Variants in KCNIP4 observed in about 807,000 individuals in gnomAD.
KCNIP4 encodes Kv channel-interacting protein 4.
Under a neutral mutation model 34.0 loss-of-function variants are expected in KCNIP4, and 12 were observed. The ratio of observed to expected loss-of-function variants is 0.35; its 90% CI spans 0.23 to 0.57. The LOEUF is 0.57. KCNIP4 is among the 20% of genes least tolerant of loss of function. The pLI, the probability that KCNIP4 is intolerant of heterozygous loss-of-function variation, is 0.83. For missense variants in KCNIP4, 238 were observed against 311.7 expected, an observed-to-expected ratio of 0.76 and a Z score of 1.78; for synonymous variants, 124 against 102.2, an observed-to-expected ratio of 1.21 and a Z score of -1.29.
chr4:21,839,607 G>C (rs1472965535), intron 1 of KCNIP4, among the ~76,000 whole-genome samples: 2 of 152,192 alleles, frequency 1.3e-5, no homozygotes, highest in East Asian at 3.9e-4. Context: ...TACAAAATTA[G>C]CCAAGCATAG....
intron 1 of KCNIP4, among the ~76,000 whole-genome samples, chr4:21,380,444 G>GGAGAGGGAGA (rs1560347765): frequency 1.5e-5 from 2 of 134,572 alleles, no homozygotes; most frequent in Non-Finnish European, 3.4e-5. Flanking sequence ...GGAGAGGGAG[G>GGAGAGGGAGA]GAGAGGGAGA....
At chr4:21,463,052 A>T (rs1190266684) in intron 1 of KCNIP4, among the ~76,000 whole-genome samples, 1 of 152,018 alleles carries the variant, frequency 6.6e-6, no homozygotes, top group Non-Finnish European at 1.5e-5. Flanking sequence ...TTGCTGGATC[A>T]TAAGGTAGTC....
chr4:21,918,975 G>T (rs377276234), intron 1 of KCNIP4, among the ~76,000 whole-genome samples: 1 of 152,148 alleles, frequency 6.6e-6, no homozygotes, highest in Non-Finnish European at 1.5e-5. Context: ...ATTGACCCCA[G>T]TAGGGACCAT....
chr4:20,924,952 T>C (rs947273541), intron 1 of KCNIP4, among the ~76,000 whole-genome samples: 2 of 152,176 alleles, frequency 1.3e-5, no homozygotes, highest in Admixed American at 1.3e-4. Flanking sequence ...ATGGACTCAG[T>C]ACACAGGAAT....
chr4:21,015,814 A>C (rs1409540275), intron 1 of KCNIP4, among the ~76,000 whole-genome samples: 2 of 137,762 alleles, frequency 1.5e-5, no homozygotes, highest in Non-Finnish European at 3.1e-5. Flanking sequence ...TACTATATAT[A>C]CCATATATAA....
At chr4:21,475,682 G>A (rs1377375509) in intron 1 of KCNIP4, among the ~76,000 whole-genome samples, 1 of 152,108 alleles carries the variant, frequency 6.6e-6, no homozygotes, top group African/African-American at 2.4e-5. Context: ...AACAGTCCTC[G>A]AAATGCAAAT....
chr4:20,735,416 T>C (rs971922990), intron 5 of KCNIP4, among the ~76,000 whole-genome samples: 1 of 152,224 alleles, frequency 6.6e-6, no homozygotes, highest in Non-Finnish European at 1.5e-5. Context: ...GGCAATGACA[T>C]TGGCTATGTA....
intron 1 of KCNIP4, chr4:21,852,647 CAG>C (rs1479231466): frequency 1.3e-5 from 2 of 152,168 alleles, no homozygotes; most frequent in Non-Finnish European, 2.9e-5. Flanking sequence ...GGTGAGCCCA[CAG>C]AGTCACATGT....
chr4:21,267,455 T>C (rs1283256377), intron 1 of KCNIP4, among the ~76,000 whole-genome samples: 1 of 151,980 alleles, frequency 6.6e-6, no homozygotes, highest in African/African-American at 2.4e-5. Context: ...TTCCAGTTTT[T>C]GCCCATTCAG....
At chr4:21,670,495 G>A (rs1004225662) in intron 1 of KCNIP4, among the ~76,000 whole-genome samples, 1 of 151,448 alleles carries the variant, frequency 6.6e-6, no homozygotes, top group South Asian at 2.1e-4. Flanking sequence ...TGAGTGCAGC[G>A]CACCAGCATG....
At chr4:21,355,853 A>G (rs1027459037) in intron 1 of KCNIP4, among the ~76,000 whole-genome samples, 6 of 152,320 alleles carry the variant, frequency 3.9e-5, no homozygotes, top group East Asian at 1.9e-4. Flanking sequence ...CAACAAAAAA[A>G]GAGAGTTTTA....
At chr4:20,767,716 T>G (rs1415647372) in intron 3 of KCNIP4, among the ~76,000 whole-genome samples, 1 of 152,188 alleles carries the variant, frequency 6.6e-6, no homozygotes, top group Non-Finnish European at 1.5e-5. Context: ...TCTCTTCCCC[T>G]AAATCATTCT....
intron 1 of KCNIP4, among the ~76,000 whole-genome samples, chr4:21,225,144 G>T (rs966083757): frequency 1.1e-4 from 17 of 152,080 alleles, no homozygotes; most frequent in Middle Eastern, 3.4e-3. Context: ...GGTTTTTTGG[G>T]GCATAACCCT....
At chr4:21,608,526 C>T (rs1441215861) in intron 1 of KCNIP4, among the ~76,000 whole-genome samples, 1 of 152,200 alleles carries the variant, frequency 6.6e-6, no homozygotes, top group Non-Finnish European at 1.5e-5. Context: ...TTACATCAAA[C>T]TTCTCTGACT....
chr4:21,341,999 C>A (rs1341904757), intron 1 of KCNIP4, among the ~76,000 whole-genome samples: 2 of 152,014 alleles, frequency 1.3e-5, no homozygotes, highest in Non-Finnish European at 2.9e-5. Flanking sequence ...GCTTGTGTCC[C>A]CTCTTATAAG....
At chr4:21,362,845 T>G (rs1269758063) in intron 1 of KCNIP4, among the ~76,000 whole-genome samples, 1 of 152,132 alleles carries the variant, frequency 6.6e-6, no homozygotes, top group African/African-American at 2.4e-5. Context: ...TTTATATGCA[T>G]CCTTCCTGTC....
chr4:21,690,053 G>C (rs1373686361), intron 1 of KCNIP4, among the ~76,000 whole-genome samples: 2 of 149,816 alleles, frequency 1.3e-5, no homozygotes, highest in Non-Finnish European at 3.0e-5. Flanking sequence ...GCTAAAAACT[G>C]ATTTGTTGGT....
chr4:21,184,519 C>T (rs911536682), intron 1 of KCNIP4, among the ~76,000 whole-genome samples: 5 of 152,054 alleles, frequency 3.3e-5, no homozygotes, highest in Admixed American at 1.3e-4. Context: ...TTCGCTATTA[C>T]GTAATGAAGA....
chr4:20,896,666 C>A (rs1264981277), intron 1 of KCNIP4, among the ~76,000 whole-genome samples: 1 of 152,126 alleles, frequency 6.6e-6, no homozygotes, highest in African/African-American at 2.4e-5. Context: ...CCTGTGGAGA[C>A]CTTAATGAAG....
Sources: gnomAD v4.1 joint callset for allele counts (sites outside exome capture counted in the v4.1 genomes callset) on GRCh38, gnomAD v4.1.1 for gene constraint, MANE v1.5 for transcripts, NCBI Gene and HGNC (gene_info 2026-07-23, HGNC 2026-07-21) for gene names.